Variants in PKP4 observed in about 807,000 individuals in gnomAD.
PKP4 encodes plakophilin-4.
A neutral mutation model predicts 145.1 loss-of-function variants in PKP4; 90 were observed. That is an observed-to-expected ratio of 0.62 (90% CI 0.52 to 0.74). The LOEUF (loss-of-function observed/expected upper bound fraction) is 0.74. PKP4 is among the 30% of genes least tolerant of loss of function. The pLI is 0.00. For missense variants in PKP4, 1,340 were observed against 1,482.7 expected, an observed-to-expected ratio of 0.90 and a Z score of 1.58; for synonymous variants, 563 against 577.2, an observed-to-expected ratio of 0.98 and a Z score of 0.35.
At chr2:158,507,276 A>G (rs575922124) in intron 1 of PKP4, among the ~76,000 whole-genome samples, 1 of 152,296 alleles carries the variant, frequency 6.6e-6, no homozygotes. Flanking sequence ...GTTTTTCACT[A>G]TGTGACTCAC....
At chr2:158,656,506 C>T (rs1238309724) in intron 11 of PKP4, among the ~76,000 whole-genome samples, 3 of 152,122 alleles carry the variant, frequency 2.0e-5, no homozygotes, top group Non-Finnish European at 1.5e-5. Context: ...CTTAAGTCTC[C>T]CGCCCGTCCT....
chr2:158,458,614 C>G (rs1689262829), intron 1 of PKP4, among the ~76,000 whole-genome samples: 1 of 152,150 alleles, frequency 6.6e-6, no homozygotes, highest in Non-Finnish European at 1.5e-5. Flanking sequence ...TATTTTAGCT[C>G]TATCAAAAAA....
intron 19 of PKP4, among the ~76,000 whole-genome samples, chr2:158,674,882 T>C (rs946007028): frequency 2.0e-5 from 3 of 152,240 alleles, no homozygotes; most frequent in African/African-American, 7.2e-5. Context: ...TGTGGACAAA[T>C]GTGGCCAAAA....
intron 1 of PKP4, among the ~76,000 whole-genome samples, chr2:158,531,716 C>G (rs2105620848): frequency 6.6e-6 from 1 of 152,302 alleles, no homozygotes; most frequent in African/African-American, 2.4e-5. Context: ...CCCCAGGGCA[C>G]TTAGGTTTTC....
At chr2:158,533,620 A>G (rs1191668633) in intron 2 of PKP4, 2 of 427,616 alleles carry the variant, frequency 4.7e-6, no homozygotes, top group Non-Finnish European at 9.2e-6. Context: ...TGTAAAGCAT[A>G]GTTCTCAGTG....
chr2:158,556,455 C>G (rs115542699), intron 2 of PKP4, among the ~76,000 whole-genome samples: 5,525 of 151,616 alleles, frequency 0.036, 232 homozygotes, highest in African/African-American at 0.1. Flanking sequence ...AGCTTAAAAA[C>G]AGAACTCATA....
chr2:158,551,515 C>T (rs1046673591), intron 2 of PKP4, among the ~76,000 whole-genome samples: 1 of 152,164 alleles, frequency 6.6e-6, no homozygotes, highest in Non-Finnish European at 1.5e-5. Context: ...AAGACTGAAA[C>T]ATAACCAAGA....
At chr2:158,504,659 A>G (rs1697055520) in intron 1 of PKP4, among the ~76,000 whole-genome samples, 1 of 132,344 alleles carries the variant, frequency 7.6e-6, no homozygotes, top group African/African-American at 2.9e-5. Context: ...TGGCCTTATG[A>G]TCTTCTAAAT....
At chr2:158,543,524 G>A (rs2044703066) in intron 2 of PKP4, among the ~76,000 whole-genome samples, 1 of 152,194 alleles carries the variant, frequency 6.6e-6, no homozygotes, top group Admixed American at 6.5e-5. Context: ...AATGTTCATA[G>A]TGGTGCTTTC....
In PKP4 at chr2:158,577,373, G is replaced by A. The variant is rs1303566339; in HGVS notation, c.235G>A (p.Ala79Thr). The change falls in exon 3 of 22, where the codon GCC (alanine) becomes ACC (threonine). Residue 79 changes from alanine (A) to threonine (T), a missense_variant. Coordinates refer to ENST00000389759, the MANE Select transcript of PKP4 (RefSeq NM_003628.6). Reference protein sequence around the residue: ...CRLGAESPSIASTSSTEKSFP... With the variant: ...CRLGAESPSITSTSSTEKSFP... ...GCTTGGAGCAGAATCACCAAGCATC[G>A]CCAGCACCAGGTACAGGGCCAATGG... is the stretch of plus-strand genomic sequence containing the variant. 8.1e-6 allele frequency: 13 copies of A among 1,608,408 alleles called. No individual in the cohort carries two copies. Among genetic ancestry groups the A allele is most frequent in the South Asian group, 2.2e-5 (2 of 90,646 alleles).
chr2:158,606,663 G>A (rs1239911876), intron 4 of PKP4, among the ~76,000 whole-genome samples: 1 of 152,110 alleles, frequency 6.6e-6, no homozygotes, highest in Non-Finnish European at 1.5e-5. Flanking sequence ...CCTTTTGAGA[G>A]AAATGGGGAA....
In PKP4 at chr2:158,633,338, G is replaced by A. The variant is rs183650781; in HGVS notation, c.1343-732G>A. On this transcript the variant is annotated intron_variant, in intron 8 of 21. Coordinates refer to ENST00000389759, the MANE Select transcript of PKP4 (RefSeq NM_003628.6). Reference sequence around the variant, plus strand: ...GAAATAGAACAATTAAGTAAAATAAGGGTTGTTTAAACACAAGCACTGCAG... The same window carrying A: ...GAAATAGAACAATTAAGTAAAATAAAGGTTGTTTAAACACAAGCACTGCAG... Among the ~76,000 whole-genome samples the A allele has an allele frequency of 7.0e-4, 107 of 152,272 alleles. 1 individual carries two copies. The South Asian group carries it at 0.018, about 25-fold the overall frequency.
At chr2:158,553,308 C>A (rs1169484736) in intron 2 of PKP4, among the ~76,000 whole-genome samples, 2 of 152,148 alleles carry the variant, frequency 1.3e-5, no homozygotes, top group African/African-American at 4.8e-5. Flanking sequence ...TGTAGATAAC[C>A]TTTGACTAGT....
chr2:158,495,167 G>A (rs903632032), intron 1 of PKP4, among the ~76,000 whole-genome samples: 1 of 151,942 alleles, frequency 6.6e-6, no homozygotes, highest in Non-Finnish European at 1.5e-5. Context: ...GCAGTGAGCC[G>A]AGATTGCACC....
intron 1 of PKP4, among the ~76,000 whole-genome samples, chr2:158,471,943 G>A (rs547262453): frequency 8.5e-5 from 13 of 152,150 alleles, no homozygotes; most frequent in Non-Finnish European, 1.6e-4. Context: ...AAGGTATAGA[G>A]TAAAAATGCA....
chr2:158,479,374 C>G (rs1487288958), intron 1 of PKP4, among the ~76,000 whole-genome samples: 1 of 152,038 alleles, frequency 6.6e-6, no homozygotes, highest in African/African-American at 2.4e-5. Context: ...CAGGCATATG[C>G]CACCATGCCC....
intron 7 of PKP4, among the ~76,000 whole-genome samples, chr2:158,630,796 A>G (rs191600053): frequency 8.5e-5 from 13 of 152,350 alleles, no homozygotes; most frequent in African/African-American, 3.1e-4. Context: ...ATATAATAAT[A>G]AGTCATTCTC....
intron 1 of PKP4, among the ~76,000 whole-genome samples, chr2:158,496,759 C>CCT (rs1695774817): frequency 6.9e-6 from 1 of 144,958 alleles, no homozygotes; most frequent in African/African-American, 2.5e-5. Context: ...CTTCTCTCTC[C>CCT]GTGTGTGTGT....
chr2:158,589,167 A>G (rs1460408650), intron 3 of PKP4, among the ~76,000 whole-genome samples: 2 of 152,090 alleles, frequency 1.3e-5, no homozygotes, highest in Admixed American at 6.6e-5. Context: ...TTGAACACCT[A>G]TTATGTAATT....
Sources: allele counts gnomAD v4.1 joint callset (sites outside exome capture counted in the v4.1 genomes callset), GRCh38; gene constraint gnomAD v4.1.1; transcripts MANE v1.5; gene names NCBI Gene and HGNC (gene_info 2026-07-23, HGNC 2026-07-21).